The following AVEN variants were observed in gnomAD, a reference collection of about 807,000 sequenced individuals.
AVEN encodes the protein apoptosis and caspase activation inhibitor.
Under a neutral mutation model 38.1 loss-of-function variants are expected in AVEN, and 41 were observed. The ratio of observed to expected loss-of-function variants is 1.08; its 90% confidence interval spans 0.84 to 1.40. AVEN has a LOEUF of 1.40. Among genes scored for constraint, AVEN ranks in the 40% most tolerant of loss-of-function variants. The probability of loss-of-function intolerance (pLI) is 0.00; values close to 1 mark genes in which losing one functional copy is unlikely to be tolerated. For missense variants in AVEN, 605 were observed against 438.8 expected, an observed-to-expected ratio of 1.38 and a Z score of -3.38; for synonymous variants, 206 against 171.8, an observed-to-expected ratio of 1.20 and a Z score of -1.56.
At chr15:33,863,383 A>ACC (rs1413913585), downstream of AVEN, among the ~76,000 whole-genome samples, 1 of 152,184 alleles carries the variant, frequency 6.6e-6, no homozygotes, top group Non-Finnish European at 1.5e-5. Context: ...TATACACTAT[A>ACC]CCACCATGAC....
At chr15:33,914,586 AT>A (rs1322792660) in intron 2 of AVEN, among the ~76,000 whole-genome samples, 2 of 150,586 alleles carry the variant, frequency 1.3e-5, no homozygotes, top group African/African-American at 4.9e-5. Context: ...TTTAACAGGC[AT>A]ATAGGGAAAC....
At chr15:33,855,090 T>G, downstream of AVEN, 1 of 496,346 alleles carries the variant, frequency 2.0e-6, no homozygotes, top group Non-Finnish European at 3.3e-6. Flanking sequence ...CAATTAAAAA[T>G]GTAACTGCAA....
chr15:34,062,696 A>G, intron 5 of AVEN: 3 of 1,587,804 alleles, frequency 1.9e-6, no homozygotes, highest in Non-Finnish European at 2.6e-6. Flanking sequence ...AACACTATTT[A>G]CTGTAAAATT....
rs114957265 is a variant in AVEN, at chr15:33,930,323, T to C, written c.446-54328A>G. On this transcript the variant is annotated intron_variant, in intron 2 of 5. Transcript: ENST00000306730. ...GAAGTAAAGCATTACTCTAGTATTA[T>C]TTTGAGTCCATCTAGGACAAAAAAA... Among the ~76,000 whole-genome samples, 777 of 131,902 alleles carry C rather than the reference T, an allele frequency of 5.9e-3. 8 individuals are homozygous for C. The highest frequency in any genetic ancestry group is 0.036 in the South Asian group (128 of 3,542). The allele number at this position is 131,902 out of a possible 152,430, so 86.5% of individuals were successfully genotyped here. A position where few individuals can be genotyped will look rare whatever the true frequency, so the allele number is the denominator to read the frequency against.
intron 5 of AVEN, among the ~76,000 whole-genome samples, chr15:34,053,753 C>G (rs1219312101): frequency 6.6e-6 from 1 of 152,072 alleles, no homozygotes; most frequent in African/African-American, 2.4e-5. Context: ...CAATACCGTT[C>G]AGGACATAGG....
chr15:34,044,878 G>A (rs762028811), intron 5 of AVEN, among the ~76,000 whole-genome samples: 6 of 152,186 alleles, frequency 3.9e-5, no homozygotes, highest in South Asian at 2.1e-4. Context: ...GTGAAACCCC[G>A]TCTCTTAAAA....
chr15:34,074,599 A>C (rs1900696089), exon 1 of AVEN, among the ~76,000 whole-genome samples: 1 of 151,908 alleles, frequency 6.6e-6, no homozygotes, highest in African/African-American at 2.4e-5. Flanking sequence ...GTGTCTCCTC[A>C]TATCATCTTC....
At chr15:33,998,185 C>G (rs544803634) in intron 2 of AVEN, among the ~76,000 whole-genome samples, 15 of 152,290 alleles carry the variant, frequency 9.8e-5, no homozygotes, top group African/African-American at 3.6e-4. Flanking sequence ...ATGGGCCATC[C>G]CTCCACCTGC....
intron 2 of AVEN, among the ~76,000 whole-genome samples, chr15:33,943,439 G>T (rs1256615867): frequency 6.6e-6 from 1 of 150,830 alleles, no homozygotes; most frequent in East Asian, 2.0e-4. Flanking sequence ...AATGAAGGCT[G>T]TCAGGGGCTG....
At chr15:34,012,680 C>T (rs1390667926) in intron 1 of AVEN, among the ~76,000 whole-genome samples, 6 of 152,128 alleles carry the variant, frequency 3.9e-5, no homozygotes. Context: ...AAAATCAGAC[C>T]ATTAAATAGC....
intron 4 of AVEN, chr15:34,064,285 T>G: frequency 6.2e-7 from 1 of 1,613,892 alleles, no homozygotes; most frequent in Non-Finnish European, 8.5e-7. Flanking sequence ...GAAGAGAAGT[T>G]GTACTGGCAG....
chr15:33,907,581 TATCAC>T (rs1357080497), intron 2 of AVEN, among the ~76,000 whole-genome samples: 2 of 152,208 alleles, frequency 1.3e-5, no homozygotes. Flanking sequence ...ATTCATAATG[TATCAC>T]AGCCTTGGAA....
At chr15:33,967,906 C>A (rs1895451787) in intron 2 of AVEN, among the ~76,000 whole-genome samples, 1 of 148,128 alleles carries the variant, frequency 6.8e-6, no homozygotes, top group African/African-American at 2.5e-5. Context: ...ACGCATATGC[C>A]CAAAAGATGT....
At chr15:33,997,315 C>A (rs1896975275) in intron 2 of AVEN, among the ~76,000 whole-genome samples, 1 of 151,852 alleles carries the variant, frequency 6.6e-6, no homozygotes, top group Non-Finnish European at 1.5e-5. Flanking sequence ...TTTTTTTTAA[C>A]CCACAAATCA....
At chr15:34,072,276 AT>A in intron 1 of AVEN, among the ~76,000 whole-genome samples, 5 of 151,288 alleles carry the variant, frequency 3.3e-5, no homozygotes, top group Admixed American at 3.3e-4. Context: ...CTTTAAAAAA[AT>A]AATAATAATA....
chr15:34,070,068 C>A (rs771871136), intron 2 of AVEN, among the ~76,000 whole-genome samples: 38 of 152,112 alleles, frequency 2.5e-4, no homozygotes, highest in Admixed American at 2.1e-3. Flanking sequence ...CTGGGGAGGC[C>A]TCAGGAAACT....
chr15:33,879,604 T>G (rs1178062253), intron 2 of AVEN, among the ~76,000 whole-genome samples: 1 of 152,098 alleles, frequency 6.6e-6, no homozygotes, highest in African/African-American at 2.4e-5. Context: ...AATAATAACA[T>G]GCAAAATCCA....
chr15:33,951,390 A>G (rs923989300), intron 2 of AVEN, among the ~76,000 whole-genome samples: 2 of 150,018 alleles, frequency 1.3e-5, no homozygotes, highest in Non-Finnish European at 3.0e-5. Context: ...AAATTCCTTC[A>G]TTTCATACAC....
At chr15:33,905,303 G>A (rs936853472) in intron 2 of AVEN, among the ~76,000 whole-genome samples, 3 of 152,048 alleles carry the variant, frequency 2.0e-5, no homozygotes, top group Non-Finnish European at 4.4e-5. Context: ...CCTTGGAGAA[G>A]TTTCTTAAAT....
Sources: gnomAD v4.1 joint callset for allele counts (sites outside exome capture counted in the v4.1 genomes callset) on GRCh38, gnomAD v4.1.1 for gene constraint, MANE v1.5 for transcripts, NCBI Gene and HGNC (gene_info 2026-07-23, HGNC 2026-07-21) for gene names.